KCNK9: variants seen among roughly 807,000 people sequenced by gnomAD.
KCNK9 encodes potassium two pore domain channel subfamily K member 9.
Under a neutral mutation model 10.8 loss-of-function variants are expected in KCNK9, and 1 was observed. The observed-to-expected ratio is 0.09, with a 90% CI of 0.03 to 0.44. The LOEUF (loss-of-function observed/expected upper bound fraction) is 0.44, where lower values mean the gene tolerates loss of function less well. Among genes scored for constraint, KCNK9 ranks in the 20% least tolerant of loss-of-function variants. The pLI is 0.97. For synonymous variants in KCNK9, 231 were observed against 222.7 expected, an observed-to-expected ratio of 1.04 and a Z score of -0.33; for missense variants, 303 against 515.0, an observed-to-expected ratio of 0.59 and a Z score of 3.98.
chr8:139,640,521 C>G (rs1050549106), intron 1 of KCNK9, among the ~76,000 whole-genome samples: 4 of 152,190 alleles, frequency 2.6e-5, no homozygotes, highest in Non-Finnish European at 5.9e-5. Flanking sequence ...TCCACAGCCC[C>G]CCTGCTCATT....
intron 1 of KCNK9, among the ~76,000 whole-genome samples, chr8:139,662,286 A>C (rs1278543893): frequency 6.6e-6 from 1 of 152,112 alleles, no homozygotes; most frequent in Non-Finnish European, 1.5e-5. Flanking sequence ...TCTGCAAGTG[A>C]AGCCACAGCA....
intron 1 of KCNK9, among the ~76,000 whole-genome samples, chr8:139,622,366 C>G (rs994023501): frequency 6.6e-6 from 1 of 152,146 alleles, no homozygotes; most frequent in African/African-American, 2.4e-5. Context: ...CCTATTTAGG[C>G]GTTCCCAGCC....
chr8:139,692,727 G>A (rs2319425), intron 1 of KCNK9, among the ~76,000 whole-genome samples: 74,934 of 151,876 alleles, frequency 0.49, 18,814 homozygotes, highest in Admixed American at 0.57. Context: ...CCTGCAGCCC[G>A]GATAAGCTCA....
chr8:139,636,322 C>A (rs1357390001), intron 1 of KCNK9, among the ~76,000 whole-genome samples: 2 of 152,218 alleles, frequency 1.3e-5, no homozygotes, highest in Non-Finnish European at 2.9e-5. Context: ...CTTCTCTGAC[C>A]CCCAGCACCT....
intron 1 of KCNK9, among the ~76,000 whole-genome samples, chr8:139,623,715 A>G (rs1269530416): frequency 9.9e-5 from 15 of 152,148 alleles, no homozygotes; most frequent in African/African-American, 3.4e-4. Flanking sequence ...AGGACCACAG[A>G]GGTGGCAGAA....
chr8:139,630,306 G>A (rs1030720171), intron 1 of KCNK9, among the ~76,000 whole-genome samples: 1 of 152,120 alleles, frequency 6.6e-6, no homozygotes, highest in Admixed American at 6.5e-5. Context: ...TGGTGGAGGC[G>A]AGGCTTTGTG....
chr8:139,672,203 G>A (rs1816445541), intron 1 of KCNK9, among the ~76,000 whole-genome samples: 1 of 152,120 alleles, frequency 6.6e-6, no homozygotes, highest in African/African-American at 2.4e-5. Flanking sequence ...CTCCTCTCTA[G>A]GACAGGACAC....
chr8:139,702,646 C>T lies in KCNK9; in HGVS notation c.283+64G>A, dbSNP rs1817257041. The T allele has an allele frequency of 2.0e-6, 3 of 1,506,690 alleles. No homozygotes were observed. The highest frequency in any genetic ancestry group is 1.4e-5 in the African/African-American group (1 of 72,490). 93.3% of individuals were successfully genotyped at this position (1,506,690 alleles called of 1,614,324 possible). On this transcript the variant is annotated intron_variant, in intron 1 of 1. Coordinates refer to ENST00000520439, the MANE Select transcript of KCNK9 (RefSeq NM_001282534.2). This position sits in a 1 kb window ranked among gnomAD's most constrained non-coding sequence, Gnocchi z 7.5. ...GCCCTGCACCCAGCCCGGCGCGGCG[C>T]GCTCAGCCGCCTCCCCGGACTCCTC...
At chr8:139,604,216 G>C (rs988712689) in intron 2 of KCNK9, among the ~76,000 whole-genome samples, 1 of 152,214 alleles carries the variant, frequency 6.6e-6, no homozygotes, top group Non-Finnish European at 1.5e-5. Flanking sequence ...TGCAGATATG[G>C]CTCTAGGGTA....
chr8:139,655,026 G>A (rs992275697), intron 1 of KCNK9, among the ~76,000 whole-genome samples: 10 of 152,250 alleles, frequency 6.6e-5, no homozygotes, highest in Middle Eastern at 6.8e-3. Flanking sequence ...GATGGATGGC[G>A]GGGGGCGGGC....
rs974153104 is a variant in KCNK9 at position 139,641,640 on chromosome 8, C to T, written c.284-22541G>A. Among the ~76,000 whole-genome samples the T allele has an allele frequency of 6.1e-4, 90 of 147,542 alleles. 1 individual carries two copies. The East Asian group carries it at 0.017, about 28-fold the overall frequency. On this transcript the variant is annotated intron_variant, in intron 1 of 1. Coordinates refer to ENST00000520439, the MANE Select transcript of KCNK9 (RefSeq NM_001282534.2). ...CCAGCGCTCTGGCCTGCCCCCCCCC[C>T]GCACTTTCTGCTACACACCCAATTT...
intron 1 of KCNK9, among the ~76,000 whole-genome samples, chr8:139,626,517 C>T (rs917836922): frequency 2.0e-5 from 3 of 152,192 alleles, no homozygotes; most frequent in Admixed American, 6.5e-5. Context: ...TGAGCCCTGA[C>T]CGTGCCCTCG....
chr8:139,693,628 G>A lies in KCNK9; in HGVS notation c.283+9082C>T, dbSNP rs1017991825. Among the ~76,000 whole-genome samples, 1 of 152,140 alleles carries A rather than the reference G, an allele frequency of 6.6e-6. No individual in the cohort carries two copies. The highest frequency in any genetic ancestry group is 2.4e-5 in the African/African-American group (1 of 41,442). On this transcript the variant is annotated intron_variant, in intron 1 of 1. Transcript: ENST00000520439. The surrounding 1 kb of genome is among the most constrained non-coding windows in gnomAD (Gnocchi z 4.1). ...TACTCAGAAAACTGAGTAGCACAGT[G>A]GGCTGGGGAGCAAAGAAACAAGTCC...
intron 1 of KCNK9, among the ~76,000 whole-genome samples, chr8:139,689,558 A>G (rs1409714211): frequency 6.6e-6 from 1 of 151,914 alleles, no homozygotes; most frequent in African/African-American, 2.4e-5. Context: ...GGCCAATGGT[A>G]TGTGGGAGAA....
chr8:139,691,446 C>G (rs1023055417), intron 1 of KCNK9, among the ~76,000 whole-genome samples: 3 of 152,162 alleles, frequency 2.0e-5, no homozygotes, highest in African/African-American at 7.2e-5. Flanking sequence ...AAGACCCACC[C>G]CTGCTTGTAC....
chr8:139,662,871 GA>G (rs1168980898), intron 1 of KCNK9, among the ~76,000 whole-genome samples: 16 of 61,270 alleles, frequency 2.6e-4, no homozygotes, highest in Middle Eastern at 9.1e-3. Flanking sequence ...AGGGGTGGGG[GA>G]AGGGGGGGGG....
intron 2 of KCNK9, among the ~76,000 whole-genome samples, chr8:139,601,787 T>C (rs916429115): frequency 6.6e-6 from 1 of 152,192 alleles, no homozygotes; most frequent in Admixed American, 6.5e-5. Flanking sequence ...AGGTTCTCTA[T>C]AGAGACCCCT....
intron 1 of KCNK9, among the ~76,000 whole-genome samples, chr8:139,640,324 A>G (rs143819908): frequency 2.0e-5 from 3 of 152,204 alleles, no homozygotes; most frequent in East Asian, 3.9e-4. Context: ...TCCTACCCCA[A>G]AATACCTCCT....
At position 139,687,476 on chromosome 8, in the gene KCNK9, AT is replaced by A. The variant is rs199777575; in HGVS notation, c.283+15233del. Among the ~76,000 whole-genome samples the A allele has an allele frequency of 2.8e-3, 255 of 90,028 alleles. 42 individuals are homozygous for A. Among genetic ancestry groups the A allele is most frequent in the African/African-American group, 1.0e-2 (226 of 22,684 alleles). The allele number at this position is 90,028 out of a possible 152,430, so 59.1% of individuals were successfully genotyped here. On this transcript the variant is annotated intron_variant, in intron 1 of 1. Transcript: ENST00000520439. The stretch of plus-strand genomic sequence containing the variant: ...CATATATATTCATATATTCATATAT[AT>A]GTATACATATATACACATATATACA...
Sources: allele counts gnomAD v4.1 joint callset (sites outside exome capture counted in the v4.1 genomes callset), GRCh38; gene constraint gnomAD v4.1.1; non-coding constraint Gnocchi (gnomAD v3.1); transcripts MANE v1.5; gene names NCBI Gene and HGNC (gene_info 2026-07-23, HGNC 2026-07-21).